CDH10: variants seen among roughly 807,000 people sequenced by gnomAD.
The protein encoded by CDH10 is cadherin 10.
In CDH10, 30 loss-of-function variants were observed where a neutral mutation model predicts 73.1. That is an observed-to-expected ratio of 0.41 (90% CI 0.31 to 0.56). The LOEUF (loss-of-function observed/expected upper bound fraction) is 0.56, where lower values mean the gene tolerates loss of function less well. Among genes scored for constraint, CDH10 ranks in the 20% least tolerant of loss-of-function variants. The pLI is 0.27. For missense variants in CDH10, 815 were observed against 973.7 expected (o/e 0.84, Z 2.17); for synonymous variants, 345 against 348.2 (o/e 0.99, Z 0.10).
At chr5:24,582,266 T>C (rs1201818092) in intron 2 of CDH10, among the ~76,000 whole-genome samples, 1 of 152,172 alleles carries the variant, frequency 6.6e-6, no homozygotes, top group African/African-American at 2.4e-5. Context: ...TTGTACTGAA[T>C]TCAAATACGT....
intron 2 of CDH10, among the ~76,000 whole-genome samples, chr5:24,543,274 T>C (rs1437377628): frequency 6.6e-6 from 1 of 152,162 alleles, no homozygotes; most frequent in Non-Finnish European, 1.5e-5. Flanking sequence ...TGTTGGTATT[T>C]GGTTTCATTC....
rs1747093819 is a variant in CDH10 at position 24,615,327 on chromosome 5, G to A, written c.-123-21714C>T. Among the ~76,000 whole-genome samples the A allele has an allele frequency of 2.6e-5, 4 of 152,054 alleles. 1 individual carries two copies. The highest frequency in any genetic ancestry group is 4.1e-4 in the South Asian group (2 of 4,826). Reference sequence around the variant, plus strand: ...TTTTTCAGTTCTCAAATATCACCTCGTTGACACTAAAAACTGACCTTCAAA... The same window carrying A: ...TTTTTCAGTTCTCAAATATCACCTCATTGACACTAAAAACTGACCTTCAAA... On this transcript the variant is annotated intron_variant, in intron 1 of 11. Transcript: ENST00000264463.
intron 1 of CDH10, among the ~76,000 whole-genome samples, chr5:24,617,977 T>C (rs1196312913): frequency 2.0e-5 from 3 of 152,312 alleles, no homozygotes; most frequent in East Asian, 3.9e-4. Flanking sequence ...GTGTCAAAAA[T>C]GTTATGTGAT....
At chr5:24,561,987 G>A (rs10472515) in intron 2 of CDH10, among the ~76,000 whole-genome samples, 69,669 of 148,900 alleles carry the variant, frequency 0.47, 17,885 homozygotes, top group African/African-American at 0.71. Flanking sequence ...TTTGATTGGA[G>A]TCTTTCTTGG....
At position 24,524,584 on chromosome 5, in the gene CDH10, G is replaced by T. The variant is rs975913095; in HGVS notation, c.814+10528C>A. ...ATAGTTGTTTTAAATTCATTTCCAG[G>T]TGTCAGATTGAATCATCTGCTCCCC... On this transcript the variant is annotated intron_variant, in intron 5 of 11. Transcript: ENST00000264463. Among the ~76,000 whole-genome samples, 7 of 152,014 alleles carry T rather than the reference G, an allele frequency of 4.6e-5. No homozygotes were observed. The East Asian group carries it at 1.4e-3, about 29-fold the overall frequency.
intron 7 of CDH10, among the ~76,000 whole-genome samples, chr5:24,506,679 G>A (rs1742713097): frequency 6.6e-6 from 1 of 152,088 alleles, no homozygotes; most frequent in African/African-American, 2.4e-5. Flanking sequence ...AGAACTCCTT[G>A]AGAAACATGT....
intron 1 of CDH10, among the ~76,000 whole-genome samples, chr5:24,617,801 A>G (rs1339058237): frequency 6.6e-6 from 1 of 152,102 alleles, no homozygotes; most frequent in Non-Finnish European, 1.5e-5. Flanking sequence ...AGAAGAGATG[A>G]TACCCACCTC....
intron 5 of CDH10, among the ~76,000 whole-genome samples, chr5:24,518,099 T>C (rs1413247895): frequency 1.3e-5 from 2 of 152,182 alleles, no homozygotes; most frequent in Non-Finnish European, 2.9e-5. Context: ...CTAAAATTAC[T>C]TGAGGGAGAT....
intron 1 of CDH10, among the ~76,000 whole-genome samples, chr5:24,633,846 T>C (rs1747782626): frequency 6.6e-6 from 1 of 151,806 alleles, no homozygotes; most frequent in African/African-American, 2.4e-5. Context: ...CCAAGTGCAA[T>C]GTTCACTTGG....
intron 2 of CDH10, among the ~76,000 whole-genome samples, chr5:24,566,598 A>G (rs185451548): frequency 9.2e-5 from 14 of 152,286 alleles, no homozygotes; most frequent in African/African-American, 1.7e-4. Flanking sequence ...GAACATTTCA[A>G]TGAGGACAGG....
chr5:24,579,731 T>C (rs1745725872), intron 2 of CDH10, among the ~76,000 whole-genome samples: 1 of 152,168 alleles, frequency 6.6e-6, no homozygotes, highest in African/African-American at 2.4e-5. Context: ...AAGAAATATT[T>C]ATTCTCAGTT....
rs34964738 is a variant in CDH10, at chr5:24,589,490, A to ATTT, written c.231+3767_231+3769dup. On this transcript the variant is annotated intron_variant, in intron 2 of 11. Transcript: ENST00000264463. ...TTATGGTTGCCCCTTTATGTTACTGATTTTTTTTTTTTGGTGTTTTGGGAT... is the reference window on the plus strand; with the variant it reads ...TTATGGTTGCCCCTTTATGTTACTGATTTTTTTTTTTTTTTGGTGTTTTGGGAT... 2.4e-3 allele frequency among the ~76,000 whole-genome samples: 351 copies of ATTT among 145,954 alleles called. 1 individual carries two copies. The highest frequency in any genetic ancestry group is 8.2e-3 in the African/African-American group (331 of 40,360).
intron 1 of CDH10, among the ~76,000 whole-genome samples, chr5:24,628,566 G>T (rs905860475): frequency 1.3e-5 from 2 of 152,100 alleles, no homozygotes; most frequent in Admixed American, 6.6e-5. Flanking sequence ...AGCCATGCAT[G>T]TAAAATGACA....
intron 2 of CDH10, among the ~76,000 whole-genome samples, chr5:24,558,783 G>C (rs1286549810): frequency 6.6e-6 from 1 of 151,776 alleles, no homozygotes; most frequent in Non-Finnish European, 1.5e-5. Flanking sequence ...CGTTTACAAA[G>C]CTTGTGCAAT....
At chr5:24,641,850 G>A (rs1748060879) in intron 1 of CDH10, among the ~76,000 whole-genome samples, 1 of 152,030 alleles carries the variant, frequency 6.6e-6, no homozygotes, top group African/African-American at 2.4e-5. Context: ...CAGATAATAT[G>A]TTGGGTTAAT....
intron 2 of CDH10, among the ~76,000 whole-genome samples, chr5:24,538,381 A>G (rs1224007137): frequency 6.6e-6 from 1 of 152,086 alleles, no homozygotes; most frequent in South Asian, 2.1e-4. Flanking sequence ...ACAAGGACAA[A>G]TTCTGTGCAG....
At chr5:24,617,641 GA>G (rs1228428858) in intron 1 of CDH10, among the ~76,000 whole-genome samples, 1 of 152,100 alleles carries the variant, frequency 6.6e-6, no homozygotes, top group Non-Finnish European at 1.5e-5. Context: ...GATAAAAACA[GA>G]ACAAAAGAAT....
intron 2 of CDH10, among the ~76,000 whole-genome samples, chr5:24,576,854 T>C (rs13185534): frequency 0.41 from 61,546 of 151,742 alleles, 14,039 homozygotes; most frequent in East Asian, 0.54. Flanking sequence ...CAGTGGAGAC[T>C]TTACCTAGGT....
intron 2 of CDH10, among the ~76,000 whole-genome samples, chr5:24,575,995 T>C (rs529383233): frequency 3.4e-4 from 51 of 152,118 alleles, no homozygotes; most frequent in Non-Finnish European, 6.2e-4. Flanking sequence ...GTCTGAAATA[T>C]TGACTCCTGC....
Sources: allele counts gnomAD v4.1 joint callset (sites outside exome capture counted in the v4.1 genomes callset), GRCh38; gene constraint gnomAD v4.1.1; transcripts MANE v1.5; gene names NCBI Gene and HGNC (gene_info 2026-07-23, HGNC 2026-07-21).